Variants in IGFBP1 observed in about 807,000 individuals in gnomAD.
IGFBP1 encodes the protein insulin like growth factor binding protein 1.
A neutral mutation model predicts 23.1 loss-of-function variants in IGFBP1; 31 were observed. The observed-to-expected ratio is 1.34, with a 90% CI of 1.01 to 1.81. IGFBP1 has a LOEUF of 1.81. Among genes scored for constraint, IGFBP1 ranks in the 40% most tolerant of loss-of-function variants. The pLI is 0.00. For missense variants in IGFBP1, 333 were observed against 342.2 expected, an observed-to-expected ratio of 0.97 and a Z score of 0.21; for synonymous variants, 148 against 145.5, an observed-to-expected ratio of 1.02 and a Z score of -0.13.
chr7:45,893,166 T>TTATA lies in IGFBP1; in HGVS notation c.*83_*86dup. On this transcript the variant is annotated 3_prime_UTR_variant, in exon 4 of 4. Coordinates refer to ENST00000275525, the MANE Select transcript of IGFBP1 (RefSeq NM_000596.4). ...TATTTATACTCTAGAACATGCACATTTATATATATATGTATATGTATATAT... is the reference window on the plus strand; with the variant it reads ...TATTTATACTCTAGAACATGCACATTTATATATATATATATGTATATGTATATAT... The TTATA allele has an allele frequency of 1.2e-6, 1 of 823,004 alleles. No homozygotes were observed. The highest frequency in any genetic ancestry group is 1.8e-6 in the Non-Finnish European group (1 of 553,786). 51.0% of individuals were successfully genotyped at this position (823,004 alleles called of 1,614,324 possible).
At chr7:45,892,170 C>A in intron 3 of IGFBP1, 110 bp downstream of exon 3, 1 of 1,211,944 alleles carries the variant, frequency 8.3e-7, no homozygotes. Context: ...AAGTAGACAC[C>A]AGAAGTGGTT....
intron 2 of IGFBP1, among the ~76,000 whole-genome samples, 187 bp from the exon 3 acceptor site, chr7:45,891,745 G>C (rs1230558210): frequency 6.6e-6 from 1 of 152,142 alleles, no homozygotes; most frequent in Non-Finnish European, 1.5e-5. Context: ...AACAACTTAA[G>C]ACAGACTAAC....
chr7:45,889,085 G>C (rs1787035814), intron 1 of IGFBP1, 84 bp downstream of exon 1: 2 of 1,036,368 alleles, frequency 1.9e-6, no homozygotes, highest in African/African-American at 3.4e-5. Flanking sequence ...CTAACTACTG[G>C]GTGGGGCTGC....
At chr7:45,889,373 C>T (rs888653538) in intron 1 of IGFBP1, among the ~76,000 whole-genome samples, 5 of 152,160 alleles carry the variant, frequency 3.3e-5, no homozygotes, top group Non-Finnish European at 5.9e-5. Context: ...CACCCTGGGT[C>T]CCCCACCAGT....
chr7:45,890,578 C>A lies in IGFBP1; in HGVS notation c.380C>A (p.Thr127Lys). 1.2e-6 allele frequency: 2 copies of A among 1,612,840 alleles called. No individual in the cohort carries two copies. Among genetic ancestry groups the A allele is most frequent in the Non-Finnish European group, 1.7e-6 (2 of 1,179,444 alleles). ...EAGSPESPES[T>K]EITEEELLDN... ...GGGAGCCCTGAAAGCCCAGAGAGCA[C>A]GGAGATAACTGAGGAGGAGCTCCTG... Residue 127 changes from threonine (T) to lysine (K), a missense_variant, in exon 2 of 4, where the codon ACG (threonine) becomes AAG (lysine). Physicochemically the swap from Thr to Lys is moderately conservative, Grantham distance 78. Coordinates refer to ENST00000275525, the MANE Select transcript of IGFBP1 (RefSeq NM_000596.4).
At chr7:45,890,485 G>C in intron 1 of IGFBP1, 63 bp from the exon 2 acceptor site, 1 of 1,513,864 alleles carries the variant, frequency 6.6e-7, no homozygotes, top group South Asian at 1.3e-5. Context: ...GTGATCTCCT[G>C]GGGGCCCGAA....
At position 45,888,536 on chromosome 7, in the gene IGFBP1, C is replaced by T; in HGVS notation, c.-117C>T. 3 of 854,622 alleles carry T rather than the reference C, an allele frequency of 3.5e-6. No individual in the cohort carries two copies. The highest frequency in any genetic ancestry group is 5.4e-6 in the Non-Finnish European group (3 of 557,268). The allele number at this position is 854,622 out of a possible 1,614,324, so 52.9% of individuals were successfully genotyped here. On this transcript the variant is annotated 5_prime_UTR_variant, in exon 1 of 4. Transcript: ENST00000275525. ...GCGAGCATCTGCCGCCGCGCCGCCG[C>T]CACCCTCCCAGAGAGCACTGGCCAC... is the stretch of plus-strand genomic sequence containing the variant.
chr7:45,892,020 T>C lies in IGFBP1; in HGVS notation c.608T>C (p.Leu203Pro), dbSNP rs1445915852. The C allele has an allele frequency of 1.2e-6, 2 of 1,614,106 alleles. No homozygotes were observed. Among genetic ancestry groups the C allele is most frequent in the African/African-American group, 1.3e-5 (1 of 74,942 alleles). The stretch of plus-strand genomic sequence containing the variant: ...GGAGAAGAAATTTCCAAATTTTACC[T>C]GCCAAACTGCAACAAGAATGGATTT... ...TSGEEISKFY[L>P]PNCNKNGFYH... The change falls in exon 3 of 4, where the codon CTG becomes CCG. Residue 203 changes from leucine to proline, a missense_variant. Physicochemically the swap from Leu to Pro is moderately conservative, Grantham distance 98 (BLOSUM62 -3). Coordinates refer to ENST00000275525, the MANE Select transcript of IGFBP1 (RefSeq NM_000596.4).
chr7:45,889,887 G>A (rs999931376), intron 1 of IGFBP1, among the ~76,000 whole-genome samples: 6 of 152,144 alleles, frequency 3.9e-5, no homozygotes, highest in Admixed American at 6.5e-5. Context: ...AAAGGGAGTC[G>A]TCTCACTGAT....
At chr7:45,892,133 C>T (rs1023023100) in intron 3 of IGFBP1, 73 bp downstream of exon 3, 21 of 1,527,206 alleles carry the variant, frequency 1.4e-5, no homozygotes, top group Non-Finnish European at 1.9e-5. Context: ...AAGCCACGGT[C>T]ATTCATGTCA....
chr7:45,892,985 C>G lies in IGFBP1; in HGVS notation c.674C>G (p.Ala225Gly). Reference protein sequence around the residue: ...RQCETSMDGEAGLCWCVYPWN... With the variant: ...RQCETSMDGEGGLCWCVYPWN... ...TGTGAGACATCCATGGATGGAGAGGCGGGACTCTGCTGGTGCGTCTACCCT... is the reference window on the plus strand; with the variant it reads ...TGTGAGACATCCATGGATGGAGAGGGGGGACTCTGCTGGTGCGTCTACCCT... Residue 225 changes from alanine (A) to glycine (G), a missense_variant, in exon 4 of 4, where the codon GCG (alanine) becomes GGG (glycine). Ala to Gly is a moderately conservative substitution (Grantham distance 60, BLOSUM62 0). Coordinates refer to ENST00000275525, the MANE Select transcript of IGFBP1 (RefSeq NM_000596.4). The G allele has an allele frequency of 6.2e-7, 1 of 1,612,608 alleles. No homozygotes were observed. Among genetic ancestry groups the G allele is most frequent in the East Asian group, 2.2e-5 (1 of 44,878 alleles).
In IGFBP1 at chr7:45,888,799, G is replaced by T. The variant is rs1787023794; in HGVS notation, c.147G>T (p.Ser49=). Residue 49 remains serine, a synonymous_variant, in exon 1 of 4, where the codon TCG becomes TCT. Coordinates refer to ENST00000275525, the MANE Select transcript of IGFBP1 (RefSeq NM_000596.4). ...GCCCGCCGGTGTCCGCCTCGTGCTC[G>T]GAGGTCACCCGGTCCGCCGGCTGCG... is the stretch of plus-strand genomic sequence containing the variant. ...ALCPPVSASC[S]EVTRSAGCGC... is the part of the protein sequence containing the mutation. 1 of 1,572,274 alleles carries T rather than the reference G, an allele frequency of 6.4e-7. No homozygotes were observed. The highest frequency in any genetic ancestry group is 2.3e-5 in the East Asian group (1 of 43,018).
rs750959927 is a variant in IGFBP1 at position 45,888,643 on chromosome 7, G to A, written c.-10G>A. On this transcript the variant is annotated 5_prime_UTR_variant, in exon 1 of 4. Transcript: ENST00000275525. ...GAGCATCGGCCCCTGTCTGCTGCTC[G>A]CGCCTGGAGATGTCAGAGGTCCCCG... 3 of 1,593,450 alleles carry A rather than the reference G, an allele frequency of 1.9e-6. No homozygotes were observed. Among genetic ancestry groups the A allele is most frequent in the Non-Finnish European group, 1.7e-6 (2 of 1,177,544 alleles).
In IGFBP1 at chr7:45,888,581, C is replaced by T. The variant is rs919565303; in HGVS notation, c.-72C>T. 9 of 1,354,214 alleles carry T rather than the reference C, an allele frequency of 6.6e-6. No homozygotes were observed. The highest frequency in any genetic ancestry group is 9.2e-6 in the Non-Finnish European group (9 of 981,938). 83.9% of individuals were successfully genotyped at this position (1,354,214 alleles called of 1,614,324 possible). On this transcript the variant is annotated 5_prime_UTR_variant, in exon 1 of 4. Coordinates refer to ENST00000275525, the MANE Select transcript of IGFBP1 (RefSeq NM_000596.4). ...GGCCACCGCTCCACCATCACTTGCC[C>T]AGAGTTTGGGCCACCGCCCGCCGCC...
At chr7:45,892,482 AAC>A (rs1583661613) in intron 3 of IGFBP1, among the ~76,000 whole-genome samples, 1 of 152,336 alleles carries the variant, frequency 6.6e-6, no homozygotes, top group East Asian at 1.9e-4. Context: ...TGTCTAATAA[AAC>A]ACAACAACAT....
intron 2 of IGFBP1, among the ~76,000 whole-genome samples, chr7:45,890,981 G>A (rs1719885129): frequency 6.6e-6 from 1 of 152,170 alleles, no homozygotes; most frequent in Non-Finnish European, 1.5e-5. Context: ...CCTCTCTAAA[G>A]GGTGTGAGAA....
intron 1 of IGFBP1, 94 bp from the exon 2 acceptor site, chr7:45,890,454 G>C (rs1471063525): frequency 7.3e-7 from 1 of 1,361,642 alleles, no homozygotes; most frequent in East Asian, 2.4e-5. Context: ...TCATGGCCCA[G>C]CCTGGTTTTG....
In IGFBP1 at chr7:45,888,977, G is replaced by A. The variant is rs937250620; in HGVS notation, c.325G>A (p.Asp109Asn). Reference protein sequence around the residue: ...RGQGACVQESDASAPHAAEAG... With the variant: ...RGQGACVQESNASAPHAAEAG... ...CCAAGGCGCCTGCGTGCAGGAGTCTGACGCCTCCGCTCCCCATGCTGCAGG... is the reference window on the plus strand; with the variant it reads ...CCAAGGCGCCTGCGTGCAGGAGTCTAACGCCTCCGCTCCCCATGCTGCAGG... The change falls in exon 1 of 4, where the codon GAC becomes AAC. Residue 109 changes from aspartate (D) to asparagine (N), a missense_variant. Asp to Asn is a conservative substitution (Grantham distance 23, BLOSUM62 1). Transcript: ENST00000275525. 7 of 1,519,476 alleles carry A rather than the reference G, an allele frequency of 4.6e-6. No individual in the cohort carries two copies. Among genetic ancestry groups the A allele is most frequent in the Non-Finnish European group, 6.1e-6 (7 of 1,140,424 alleles). 94.1% of individuals were successfully genotyped at this position (1,519,476 alleles called of 1,614,324 possible). A position where few individuals can be genotyped will look rare whatever the true frequency, so the allele number is the denominator to read the frequency against.
chr7:45,890,113 T>C (rs9658206), intron 1 of IGFBP1, among the ~76,000 whole-genome samples: 1 of 152,142 alleles, frequency 6.6e-6, no homozygotes, highest in Admixed American at 6.5e-5. Context: ...CACTTCTAGA[T>C]GAACTGTACC....
Sources: allele counts gnomAD v4.1 joint callset (sites outside exome capture counted in the v4.1 genomes callset), GRCh38; gene constraint gnomAD v4.1.1; transcripts MANE v1.5; gene names NCBI Gene and HGNC (gene_info 2026-07-23, HGNC 2026-07-21).